CACNA1C: variants seen among roughly 807,000 people sequenced by gnomAD.
CACNA1C encodes calcium voltage-gated channel subunit alpha1 C, also known as voltage-dependent L-type calcium channel subunit alpha-1C.
A neutral mutation model predicts 229.0 loss-of-function variants in CACNA1C; 30 were observed. That is an observed-to-expected ratio of 0.13 (90% CI 0.10 to 0.18). The LOEUF is 0.18. Ranked by LOEUF, CACNA1C falls within the 10% of genes least tolerant of loss-of-function variation. The pLI, the probability that CACNA1C is intolerant of heterozygous loss-of-function variation, is 1.00. For missense variants in CACNA1C, 1,658 were observed against 2,845.0 expected, an observed-to-expected ratio of 0.58 and a Z score of 9.49; for synonymous variants, 1,114 against 1,132.5, an observed-to-expected ratio of 0.98 and a Z score of 0.33.
At chr12:2,194,347 CT>C (rs1443550137) in intron 3 of CACNA1C, among the ~76,000 whole-genome samples, 7 of 150,768 alleles carry the variant, frequency 4.6e-5, no homozygotes, top group Non-Finnish European at 3.0e-5. Flanking sequence ...CTCTTCCTCC[CT>C]CTCCTCCTCC....
At chr12:2,110,358 A>C (rs1022057286) in intron 1 of CACNA1C, among the ~76,000 whole-genome samples, 1 of 152,000 alleles carries the variant, frequency 6.6e-6, no homozygotes, top group Non-Finnish European at 1.5e-5. Context: ...GGGGGCACCT[A>C]CCTGTTGGTG....
intron 3 of CACNA1C, among the ~76,000 whole-genome samples, chr12:2,213,748 C>T (rs1011575669): frequency 1.3e-5 from 2 of 152,232 alleles, no homozygotes; most frequent in African/African-American, 2.4e-5. Context: ...AGGGAAGGCA[C>T]GGAGGCAGCG....
At chr12:2,242,122 C>T (rs1245742934) in intron 3 of CACNA1C, among the ~76,000 whole-genome samples, 8 of 152,204 alleles carry the variant, frequency 5.3e-5, no homozygotes, top group South Asian at 2.1e-4. Flanking sequence ...GGCCTCCCAC[C>T]TCCACGCTCA....
chr12:2,555,837 G>A (rs2043878025), intron 10 of CACNA1C, among the ~76,000 whole-genome samples: 1 of 152,130 alleles, frequency 6.6e-6, no homozygotes, highest in South Asian at 2.1e-4. Flanking sequence ...AGAGGGGCTG[G>A]CGTTTTCTTG....
At chr12:2,402,655 ATGT>A (rs2098692687) in intron 3 of CACNA1C, among the ~76,000 whole-genome samples, 1 of 152,218 alleles carries the variant, frequency 6.6e-6, no homozygotes, top group Non-Finnish European at 1.5e-5. Flanking sequence ...GTGCACACTG[ATGT>A]TGTTGTAATC....
chr12:2,208,103 G>A (rs984681959), intron 3 of CACNA1C, among the ~76,000 whole-genome samples: 2 of 152,162 alleles, frequency 1.3e-5, no homozygotes, highest in African/African-American at 2.4e-5. Context: ...ATGGCTCTTG[G>A]AATTTCAGAC....
At chr12:2,095,469 G>A (rs1301602656) in intron 1 of CACNA1C, among the ~76,000 whole-genome samples, 2 of 152,196 alleles carry the variant, frequency 1.3e-5, no homozygotes, top group African/African-American at 4.8e-5. Flanking sequence ...TTCTGCTTTC[G>A]GGTTCTTAAA....
chr12:2,423,626 T>C (rs1595884180), intron 3 of CACNA1C, among the ~76,000 whole-genome samples: 1 of 151,986 alleles, frequency 6.6e-6, no homozygotes, highest in Non-Finnish European at 1.5e-5. Context: ...GCAGTGGTAG[T>C]AGTATAGTAG....
intron 1 of CACNA1C, among the ~76,000 whole-genome samples, chr12:2,007,983 T>C (rs933296509): frequency 3.3e-5 from 5 of 152,212 alleles, no homozygotes; most frequent in African/African-American, 1.2e-4. Flanking sequence ...GTCATTGTAA[T>C]AAAAGAGAAT....
Position 2,181,215 on chromosome 12 carries a change from A to G in CACNA1C, c.477+60785A>G, listed in dbSNP as rs1167311457. ...CTACCTCTGTTATTTCCTGTAGCCA[A>G]CTGACATCTTTGCACCTCTGTTTCC... On this transcript the variant is annotated intron_variant, in intron 3 of 46. Transcript: ENST00000399655. The surrounding 1 kb of genome is among the most constrained non-coding windows in gnomAD (Gnocchi z 4.0). 6.6e-6 allele frequency among the ~76,000 whole-genome samples: 1 copy of G among 152,216 alleles called. No homozygotes were observed. The highest frequency in any genetic ancestry group is 6.5e-5 in the Admixed American group (1 of 15,282).
intron 3 of CACNA1C, among the ~76,000 whole-genome samples, chr12:2,269,339 A>T (rs1037885044): frequency 1.3e-5 from 2 of 152,268 alleles, no homozygotes; most frequent in Admixed American, 6.5e-5. Flanking sequence ...GCTTAAGGGG[A>T]TGGGCTCAAT....
intron 29 of CACNA1C, among the ~76,000 whole-genome samples, chr12:2,631,838 C>T (rs2090539657): frequency 6.6e-6 from 1 of 152,212 alleles, no homozygotes; most frequent in Non-Finnish European, 1.5e-5. Flanking sequence ...GCCCCTTTCC[C>T]TGTGACCTGA....
rs570586385 is a variant in CACNA1C, at chr12:2,324,593, CATGCTGCCAGGACCCTG to C, written c.478-124379_478-124363del. On this transcript the variant is annotated intron_variant, in intron 3 of 46. Transcript: ENST00000399655. ...CCTGAGCTGCACCTGCTGGAGCAGG[CATGCTGCCAGGACCCTG>C]ATGTTTCAGCTGCTTCTCTGCTCTG... Among the ~76,000 whole-genome samples the C allele has an allele frequency of 3.7e-3, 560 of 152,376 alleles. 9 individuals carry two copies. Among genetic ancestry groups the C allele is most frequent in the Admixed American group, 0.024 (373 of 15,302 alleles).
chr12:2,068,319 G>T (rs891401194), intron 1 of CACNA1C, among the ~76,000 whole-genome samples: 4 of 152,172 alleles, frequency 2.6e-5, no homozygotes, highest in African/African-American at 7.2e-5. Flanking sequence ...ATATGCAGAG[G>T]ACTCTGGTTG....
Position 2,157,961 on chromosome 12 carries a change from A to G in CACNA1C, c.477+37531A>G, listed in dbSNP as rs1346706963. ...TTAAGAAATGTGATGACTGAGTGCT[A>G]TGAATGGTTAGAAAACAAAATTGAA... On this transcript the variant is annotated intron_variant, in intron 3 of 46. Transcript: ENST00000399655. Among the ~76,000 whole-genome samples, 10 of 152,230 alleles carry G rather than the reference A, an allele frequency of 6.6e-5. No homozygotes were observed. In the South Asian group the frequency reaches 1.0e-3, roughly 16 times the overall value.
intron 3 of CACNA1C, among the ~76,000 whole-genome samples, chr12:2,306,882 G>T (rs2095068384): frequency 6.6e-6 from 1 of 152,172 alleles, no homozygotes; most frequent in Non-Finnish European, 1.5e-5. Flanking sequence ...TGTTTTCAAG[G>T]CCTGTTTGCA....
At chr12:2,140,716 T>G (rs757309395) in intron 3 of CACNA1C, among the ~76,000 whole-genome samples, 2 of 151,434 alleles carry the variant, frequency 1.3e-5, no homozygotes, top group Non-Finnish European at 3.0e-5. Flanking sequence ...CATGCATTCC[T>G]TCTGTCATAT....
chr12:2,420,720 G>A (rs1342874131), intron 3 of CACNA1C, among the ~76,000 whole-genome samples: 2 of 152,226 alleles, frequency 1.3e-5, no homozygotes, highest in African/African-American at 2.4e-5. Context: ...GCAGCCTGGG[G>A]TGCTGGGCAG....
Position 2,692,864 on chromosome 12 carries a change from T to C in CACNA1C, c.*1665T>C, listed in dbSNP as rs976683693. 1.3e-5 allele frequency: 2 copies of C among 152,608 alleles called. No homozygotes were observed. The highest frequency in any genetic ancestry group is 2.9e-5 in the Non-Finnish European group (2 of 68,040). 9.5% of individuals were successfully genotyped at this position (152,608 alleles called of 1,614,324 possible). On this transcript the variant is annotated 3_prime_UTR_variant, in exon 47 of 47. Transcript: ENST00000399655. ...AGCGAATATAATGAATTGAATTAAG[T>C]TGGTTTTCGGATTCACTTCTTGTAT...
Sources: allele counts gnomAD v4.1 joint callset (sites outside exome capture counted in the v4.1 genomes callset), GRCh38; gene constraint gnomAD v4.1.1; non-coding constraint Gnocchi (gnomAD v3.1); transcripts MANE v1.5; gene names NCBI Gene and HGNC (gene_info 2026-07-23, HGNC 2026-07-21).